SLC30A9: variants seen among roughly 807,000 people sequenced by gnomAD.
The protein encoded by SLC30A9 is proton-coupled zinc antiporter SLC30A9, mitochondrial.
Under a neutral mutation model 87.5 loss-of-function variants are expected in SLC30A9, and 58 were observed. The ratio of observed to expected loss-of-function variants is 0.66; its 90% CI spans 0.54 to 0.82. The LOEUF is 0.82. SLC30A9 is among the 40% of genes least tolerant of loss of function. The pLI, the probability that SLC30A9 is intolerant of heterozygous loss-of-function variation, is 0.00. For missense variants in SLC30A9, 557 were observed against 679.1 expected (o/e 0.82, Z 2.00); for synonymous variants, 234 against 233.0 (o/e 1.00, Z -0.04).
chr4:42,066,317 A>G (rs930459083), intron 12 of SLC30A9, among the ~76,000 whole-genome samples: 7 of 152,212 alleles, frequency 4.6e-5, no homozygotes. Flanking sequence ...GCAGCTCTTC[A>G]ATAAACTAAA....
intron 13 of SLC30A9, 71 bp from the exon 14 acceptor site, chr4:42,067,014 A>G (rs1412887291): frequency 4.6e-6 from 4 of 863,126 alleles, no homozygotes; most frequent in Non-Finnish European, 7.7e-6. Context: ...GATACTTATT[A>G]AAATGTTACC....
chr4:42,039,270 G>T (rs1305817330), intron 8 of SLC30A9, among the ~76,000 whole-genome samples: 3 of 152,040 alleles, frequency 2.0e-5, no homozygotes, highest in South Asian at 2.1e-4. Context: ...GTATATTTTT[G>T]ATGTAGTTAG....
At chr4:41,998,626 G>T (rs1384745039) in intron 1 of SLC30A9, among the ~76,000 whole-genome samples, 1 of 151,992 alleles carries the variant, frequency 6.6e-6, no homozygotes, top group African/African-American at 2.4e-5. Context: ...GCCACGTCTG[G>T]CTGATTTTTT....
chr4:42,006,027 A>G (rs1366025377), intron 2 of SLC30A9, among the ~76,000 whole-genome samples: 1 of 152,244 alleles, frequency 6.6e-6, no homozygotes, highest in Non-Finnish European at 1.5e-5. Context: ...TACTGAACAT[A>G]TACAGACATT....
chr4:42,045,277 GT>G (rs1222715536), intron 8 of SLC30A9, among the ~76,000 whole-genome samples: 1 of 151,918 alleles, frequency 6.6e-6, no homozygotes, highest in Non-Finnish European at 1.5e-5. Flanking sequence ...CCAGGAGCTG[GT>G]TTTTTTAAAA....
At chr4:41,993,035 A>G (rs1714523658) in intron 1 of SLC30A9, among the ~76,000 whole-genome samples, 1 of 152,104 alleles carries the variant, frequency 6.6e-6, no homozygotes. Context: ...TTTAAAGGCA[A>G]AATAGAAACT....
intron 8 of SLC30A9, among the ~76,000 whole-genome samples, chr4:42,047,936 A>T (rs1027072430): frequency 5.9e-5 from 9 of 152,182 alleles, no homozygotes; most frequent in African/African-American, 2.2e-4. Flanking sequence ...AGGGACATGG[A>T]TGAAGCTGGA....
chr4:42,078,380 A>T, intron 17 of SLC30A9, 55 bp downstream of exon 17: 2 of 908,554 alleles, frequency 2.2e-6, no homozygotes, highest in Non-Finnish European at 3.6e-6. Context: ...TTTTTTGAGT[A>T]CTTACTCTAC....
rs958416435 is a variant in SLC30A9 at position 42,020,596 on chromosome 4, C to T, written c.434+81C>T. 4 of 708,794 alleles carry T rather than the reference C, an allele frequency of 5.6e-6. No individual in the cohort carries two copies. In the African/African-American group the frequency reaches 7.1e-5, roughly 13 times the overall value. The allele number at this position is 708,794 out of a possible 1,614,324, so 43.9% of individuals were successfully genotyped here. A position where few individuals can be genotyped will look rare whatever the true frequency, so the allele number is the denominator to read the frequency against. On this transcript the variant is annotated intron_variant, in intron 4 of 17. Coordinates refer to ENST00000264451, the MANE Select transcript of SLC30A9 (RefSeq NM_006345.4). ...TTCCTTTCTTAGAGTGTGTTACCTG[C>T]TACCATCCATATATGGAAAATTTGC...
At chr4:42,042,580 G>T (rs1716966221) in intron 8 of SLC30A9, among the ~76,000 whole-genome samples, 1 of 152,178 alleles carries the variant, frequency 6.6e-6, no homozygotes, top group East Asian at 1.9e-4. Context: ...CCCGGTCAGG[G>T]GCTTATAGAT....
At chr4:42,078,985 A>G (rs1372296037) in intron 17 of SLC30A9, 1 of 152,208 alleles carries the variant, frequency 6.6e-6, no homozygotes, top group Non-Finnish European at 1.5e-5. Context: ...ATTGAAGAAA[A>G]AAACTTCCAT....
chr4:42,070,388 G>T, intron 14 of SLC30A9, 138 bp from the exon 15 acceptor site: 1 of 612,720 alleles, frequency 1.6e-6, no homozygotes. Flanking sequence ...ATTAGGAGTT[G>T]TTAAAGGAAG....
At chr4:42,059,240 A>G (rs1241765281) in intron 9 of SLC30A9, among the ~76,000 whole-genome samples, 1 of 152,184 alleles carries the variant, frequency 6.6e-6, no homozygotes, top group Non-Finnish European at 1.5e-5. Flanking sequence ...CAGATTAATC[A>G]ACTAAAATTA....
intron 10 of SLC30A9, among the ~76,000 whole-genome samples, chr4:42,061,098 C>T (rs1490870324): frequency 6.6e-6 from 1 of 151,818 alleles, no homozygotes; most frequent in Non-Finnish European, 1.5e-5. Flanking sequence ...GATTTAAAAA[C>T]AGAAGGTACA....
intron 2 of SLC30A9, among the ~76,000 whole-genome samples, chr4:42,005,591 C>A (rs1034038710): frequency 2.0e-5 from 3 of 152,126 alleles, no homozygotes; most frequent in Admixed American, 1.3e-4. Context: ...CTTCCATGCC[C>A]GTTGTAGCTC....
At chr4:42,052,342 T>C (rs141781811) in intron 9 of SLC30A9, among the ~76,000 whole-genome samples, 1 of 152,330 alleles carries the variant, frequency 6.6e-6, no homozygotes, top group Non-Finnish European at 1.5e-5. Flanking sequence ...CCTAAATTGA[T>C]TTACAGATAT....
intron 2 of SLC30A9, among the ~76,000 whole-genome samples, chr4:42,001,982 A>G (rs1158611240): frequency 6.6e-6 from 1 of 152,010 alleles, no homozygotes; most frequent in African/African-American, 2.4e-5. Flanking sequence ...AAAACTATCT[A>G]CTTATCTACT....
At chr4:42,047,355 A>G (rs1477357292) in intron 8 of SLC30A9, among the ~76,000 whole-genome samples, 3 of 152,260 alleles carry the variant, frequency 2.0e-5, no homozygotes, top group Admixed American at 6.5e-5. Flanking sequence ...AATATCCAGA[A>G]TCTACAAGGA....
intron 8 of SLC30A9, among the ~76,000 whole-genome samples, chr4:42,039,463 CCT>C (rs1410652840): frequency 6.6e-6 from 1 of 150,862 alleles, no homozygotes; most frequent in African/African-American, 2.4e-5. Context: ...ATTTTTGCCT[CCT>C]CTTTTTTTTT....
Sources: allele counts gnomAD v4.1 joint callset (sites outside exome capture counted in the v4.1 genomes callset), GRCh38; gene constraint gnomAD v4.1.1; transcripts MANE v1.5; gene names NCBI Gene and HGNC (gene_info 2026-07-23, HGNC 2026-07-21).